The following ZNF519 variants were observed in gnomAD, a reference collection of about 807,000 sequenced individuals.
The protein encoded by ZNF519 is similar to Zinc finger protein 85 (Zinc finger protein HPF4) (HTF1).
A neutral mutation model predicts 7.4 loss-of-function variants in ZNF519; 7 were observed. The ratio of observed to expected loss-of-function variants is 0.94; its 90% confidence interval spans 0.54 to 1.77. The LOEUF is 1.77. ZNF519 is among the 40% of genes most tolerant of loss of function. The pLI, the probability that ZNF519 is intolerant of heterozygous loss-of-function variation, is 0.00. For synonymous variants in ZNF519, 179 were observed against 203.3 expected (o/e 0.88, Z 1.02); for missense variants, 586 against 623.1 (o/e 0.94, Z 0.63).
downstream of ZNF519, chr18:14,072,840 C>G (rs2046032953): frequency 6.6e-6 from 1 of 152,170 alleles, no homozygotes; most frequent in Non-Finnish European, 1.5e-5. Flanking sequence ...GTTCTGAGGT[C>G]TGGCCATACA....
chr18:14,091,100 A>G (rs547568656), intron 2 of ZNF519: 2 of 152,324 alleles, frequency 1.3e-5, no homozygotes, highest in Non-Finnish European at 2.9e-5. Flanking sequence ...ATTGAAAAAT[A>G]AAAACAAAAT....
Position 14,105,426 on chromosome 18 carries a change from C to A in ZNF519, c.1114G>T (p.Gly372Ter), listed in dbSNP as rs781187664. The A allele has an allele frequency of 1.2e-6, 2 of 1,613,768 alleles. No individual in the cohort carries two copies. The highest frequency in any genetic ancestry group is 1.7e-6 in the Non-Finnish European group (2 of 1,179,930). ...YLTQHQRIHT[G>*]EKPFRCKECG... ...TCCTTACATCTGAAAGGTTTCTCTCCGGTATGGATTCTCTGGTGTTGAGTA... is the reference window on the plus strand; with the variant it reads ...TCCTTACATCTGAAAGGTTTCTCTCAGGTATGGATTCTCTGGTGTTGAGTA... The change falls in exon 3 of 3, where the codon GGA becomes TGA. Residue 372 changes from glycine (G) to a stop codon, truncating the protein, a stop_gained. Coordinates refer to ENST00000590202, the MANE Select transcript of ZNF519 (RefSeq NM_145287.4). LOFTEE classifies it low-confidence loss of function (END_TRUNC).
chr18:14,076,016 A>T (rs578156878), exon 5 of ZNF519: 18 of 149,234 alleles, frequency 1.2e-4, no homozygotes, highest in Admixed American at 4.0e-4. Context: ...ATTTATTATT[A>T]TTTTTTTTTT....
intron 2 of ZNF519, among the ~76,000 whole-genome samples, chr18:14,092,526 C>T (rs1352935242): frequency 6.6e-6 from 1 of 152,090 alleles, no homozygotes; most frequent in Non-Finnish European, 1.5e-5. Context: ...GAGAAGATTC[C>T]ATGGGGCAAA....
At chr18:14,085,565 T>C (rs1249424258) in intron 2 of ZNF519, among the ~76,000 whole-genome samples, 12 of 152,028 alleles carry the variant, frequency 7.9e-5, no homozygotes. Context: ...AGGAATCCAA[T>C]AGAGCACCTG....
At chr18:14,118,822 C>A (rs2046257727) in intron 2 of ZNF519, among the ~76,000 whole-genome samples, 1 of 152,162 alleles carries the variant, frequency 6.6e-6, no homozygotes, top group Non-Finnish European at 1.5e-5. Context: ...TTGGCCTCAG[C>A]TGTGGTCCCG....
intron 2 of ZNF519, among the ~76,000 whole-genome samples, chr18:14,117,382 G>A (rs1032493628): frequency 3.9e-5 from 6 of 152,104 alleles, no homozygotes; most frequent in African/African-American, 9.7e-5. Context: ...ATACTATTGT[G>A]CATTAATTAG....
chr18:14,088,051 G>T lies in ZNF519; in HGVS notation c.131-2975C>A, dbSNP rs1044561358. Among the ~76,000 whole-genome samples, 3 of 152,292 alleles carry T rather than the reference G, an allele frequency of 2.0e-5. No homozygotes were observed. In the South Asian group the frequency reaches 6.2e-4, roughly 32 times the overall value. ...ATTAGATGTCAGTGCTATTTACAGA[G>T]ATATTGAAACCTATGGACTCCAGGA... On this transcript the variant is annotated intron_variant and NMD_transcript_variant, in intron 2 of 4. Coordinates refer to the ZNF519 transcript ENST00000587419.
intron 2 of ZNF519, among the ~76,000 whole-genome samples, chr18:14,121,346 T>C (rs904648737): frequency 1.3e-5 from 2 of 151,882 alleles, no homozygotes; most frequent in East Asian, 1.9e-4. Context: ...TAAGTATACT[T>C]ACTATAAAAA....
In ZNF519 at chr18:14,104,218, T is replaced by C. The variant is rs1393318986; in HGVS notation, c.*699A>G. ...ATATTAATGGACTAGCAAGACCTTT[T>C]AATGGGTAGTTGGTAAAACTATTCA... On this transcript the variant is annotated 3_prime_UTR_variant, in exon 3 of 3. Coordinates refer to ENST00000590202, the MANE Select transcript of ZNF519 (RefSeq NM_145287.4). 2 of 152,200 alleles carry C rather than the reference T, an allele frequency of 1.3e-5. No individual in the cohort carries two copies. Among genetic ancestry groups the C allele is most frequent in the African/African-American group, 4.8e-5 (2 of 41,460 alleles). The allele number at this position is 152,200 out of a possible 1,614,324, so 9.4% of individuals were successfully genotyped here. A position where few individuals can be genotyped will look rare whatever the true frequency, so the allele number is the denominator to read the frequency against.
chr18:14,087,433 T>C (rs1023355367), intron 2 of ZNF519, among the ~76,000 whole-genome samples: 7 of 152,234 alleles, frequency 4.6e-5, no homozygotes, highest in Admixed American at 4.6e-4. Context: ...TTGGTGAATG[T>C]GAAAATTTTA....
chr18:14,097,942 T>C (rs1332086989), downstream of ZNF519, among the ~76,000 whole-genome samples: 1 of 152,050 alleles, frequency 6.6e-6, no homozygotes, highest in Non-Finnish European at 1.5e-5. Context: ...ACAATGAGTT[T>C]GTGGTCAACA....
At chr18:14,117,641 ATG>A (rs1197909483) in intron 2 of ZNF519, among the ~76,000 whole-genome samples, 1 of 152,212 alleles carries the variant, frequency 6.6e-6, no homozygotes, top group East Asian at 1.9e-4. Flanking sequence ...TAATTGGCTC[ATG>A]GTTATGCAGG....
intron 3 of ZNF519, among the ~76,000 whole-genome samples, chr18:14,078,595 C>T (rs560691652): frequency 8.8e-4 from 134 of 152,244 alleles, no homozygotes; most frequent in Non-Finnish European, 1.4e-3. Context: ...GATATGACAG[C>T]TTTGCCTGGG....
downstream of ZNF519, among the ~76,000 whole-genome samples, chr18:14,098,380 G>A (rs989626520): frequency 2.0e-5 from 3 of 151,930 alleles, no homozygotes; most frequent in African/African-American, 2.4e-5. Context: ...GTCTGGTCTC[G>A]AACTCCTGGC....
intron 2 of ZNF519, chr18:14,123,091 C>A (rs781140402): frequency 1.0e-5 from 2 of 196,352 alleles, no homozygotes; most frequent in Non-Finnish European, 2.3e-5. Flanking sequence ...CCTGTGTCAT[C>A]TCCTTCATTC....
intron 1 of ZNF519, 144 bp from the exon 2 acceptor site, chr18:14,124,620 A>G (rs765333599): frequency 2.3e-5 from 24 of 1,049,090 alleles, no homozygotes; most frequent in African/African-American, 1.2e-4. Flanking sequence ...AAAGCATTCT[A>G]TAACTCTGAG....
intron 2 of ZNF519, among the ~76,000 whole-genome samples, chr18:14,091,313 C>T (rs957259052): frequency 3.3e-5 from 5 of 152,030 alleles, no homozygotes; most frequent in Non-Finnish European, 4.4e-5. Context: ...ACATCACTGC[C>T]CCCCATTTCC....
intron 2 of ZNF519, among the ~76,000 whole-genome samples, chr18:14,114,718 G>A (rs1367455086): frequency 1.3e-5 from 2 of 152,130 alleles, no homozygotes. Context: ...ATTAGAATAA[G>A]ATTTAGTAGT....
Sources: gnomAD v4.1 joint callset for allele counts (sites outside exome capture counted in the v4.1 genomes callset) on GRCh38, gnomAD v4.1.1 for gene constraint, MANE v1.5 for transcripts, NCBI Gene and HGNC (gene_info 2026-07-23, HGNC 2026-07-21) for gene names.